HORMAD2: variants seen among roughly 807,000 people sequenced by gnomAD.
HORMAD2 encodes the protein HORMA domain-containing protein 2.
Under a neutral mutation model 38.8 loss-of-function variants are expected in HORMAD2, and 45 were observed. The observed-to-expected ratio is 1.16, with a 90% CI of 0.91 to 1.49. The LOEUF (loss-of-function observed/expected upper bound fraction) is 1.49, where lower values mean the gene tolerates loss of function less well. Ranked by LOEUF, HORMAD2 falls within the 40% of genes most tolerant of loss-of-function variation. The pLI is 0.00. For missense variants in HORMAD2, 338 were observed against 367.0 expected (o/e 0.92, Z 0.65); for synonymous variants, 126 against 122.8 (o/e 1.03, Z -0.17).
rs1190160835 is a variant in HORMAD2 at position 30,121,720 on chromosome 22, C to G, written c.499C>G (p.Leu167Val). 6.2e-7 allele frequency: 1 copy of G among 1,611,584 alleles called. No homozygotes were observed. Among genetic ancestry groups the G allele is most frequent in the African/African-American group, 1.3e-5 (1 of 74,862 alleles). Residue 167 changes from leucine to valine, a missense_variant, in exon 9 of 11, where the codon CTG becomes GTG. Leu to Val is a conservative substitution (Grantham distance 32, BLOSUM62 1). Transcript: ENST00000336726. ...SVLLIRKLYILMQDLEPLPNN... is the reference protein window; with the variant it reads ...SVLLIRKLYIVMQDLEPLPNN... ...TCTACTGATCCGTAAATTGTATATA[C>G]TGATGCAGGACCTTGAGCCACTTCC...
the HORMAD2 span, among the ~76,000 whole-genome samples, chr22:30,185,158 T>C: frequency 7.9e-5 from 12 of 152,166 alleles, no homozygotes; most frequent in Non-Finnish European, 1.6e-4. Context: ...TGGGATAGTT[T>C]GGAGGAGGAA....
At chr22:30,162,686 T>C (rs570690282) in intron 10 of HORMAD2, among the ~76,000 whole-genome samples, 9 of 151,662 alleles carry the variant, frequency 5.9e-5, no homozygotes, top group African/African-American at 2.2e-4. Context: ...ATGCAAACAT[T>C]TGATTTGTGG....
intron 10 of HORMAD2, among the ~76,000 whole-genome samples, chr22:30,132,950 A>G (rs889121913): frequency 2.0e-5 from 3 of 152,234 alleles, no homozygotes; most frequent in Admixed American, 1.3e-4. Flanking sequence ...GTTACAATTA[A>G]TAAGCCCTAG....
chr22:30,107,415 C>A (rs1921281700), intron 5 of HORMAD2, among the ~76,000 whole-genome samples: 1 of 152,088 alleles, frequency 6.6e-6, no homozygotes, highest in South Asian at 2.1e-4. Context: ...TCTTTTATAA[C>A]TTTCCTCAGG....
rs539671552 is a variant in HORMAD2 at position 30,088,712 on chromosome 22, TTTA to T, written c.-37-5200_-37-5198del. On this transcript the variant is annotated intron_variant, in intron 1 of 10. Transcript: ENST00000336726. ...TTAATTTAAAAATTAAAAAGTAAGT[TTTA>T]TTAAGTTTTATTAGTTTTATTAATA... 3.2e-3 allele frequency among the ~76,000 whole-genome samples: 484 copies of T among 151,382 alleles called. 4 individuals carry two copies. Among genetic ancestry groups the T allele is most frequent in the African/African-American group, 0.011 (468 of 41,422 alleles).
intron 10 of HORMAD2, among the ~76,000 whole-genome samples, chr22:30,136,499 T>C (rs1273499902): frequency 2.6e-5 from 4 of 152,336 alleles, no homozygotes; most frequent in Middle Eastern, 3.4e-3. Flanking sequence ...TAATCATTAA[T>C]CTATTTTCTG....
intron 2 of HORMAD2, among the ~76,000 whole-genome samples, chr22:30,095,322 T>A (rs1245363988): frequency 1.3e-5 from 2 of 152,196 alleles, no homozygotes; most frequent in Non-Finnish European, 2.9e-5. Context: ...AATGAAAATA[T>A]CTTCAAAATT....
intron 10 of HORMAD2, among the ~76,000 whole-genome samples, chr22:30,160,251 T>C (rs1170807549): frequency 1.3e-5 from 2 of 151,740 alleles, no homozygotes; most frequent in Non-Finnish European, 2.9e-5. Flanking sequence ...CCCTCCTCTT[T>C]TACCTTTCCA....
chr22:30,089,779 A>T (rs922921058), intron 1 of HORMAD2, among the ~76,000 whole-genome samples: 1 of 152,230 alleles, frequency 6.6e-6, no homozygotes, highest in African/African-American at 2.4e-5. Context: ...CAACTCAGTG[A>T]CACTAAGCAC....
chr22:30,085,182 A>G (rs1278065197), intron 1 of HORMAD2, among the ~76,000 whole-genome samples: 1 of 151,886 alleles, frequency 6.6e-6, no homozygotes, highest in African/African-American at 2.4e-5. Flanking sequence ...GACACAAAAG[A>G]TCACATATTG....
At position 30,163,509 on chromosome 22, in the gene HORMAD2, C is replaced by T. The variant is rs1042271534; in HGVS notation, c.820-12554C>T. On this transcript the variant is annotated intron_variant, in intron 10 of 10. Coordinates refer to ENST00000336726, the MANE Select transcript of HORMAD2 (RefSeq NM_152510.4). ...GCACAATCTTGGCTCACCTCAACCT[C>T]TGCCTCCTGGGCACAAGCAATCTTC... 5.9e-5 allele frequency among the ~76,000 whole-genome samples: 9 copies of T among 152,320 alleles called. No individual in the cohort carries two copies. In the South Asian group the frequency reaches 1.9e-3, roughly 32 times the overall value.
intron 8 of HORMAD2, among the ~76,000 whole-genome samples, chr22:30,120,022 T>C (rs1922322140): frequency 6.6e-6 from 1 of 152,208 alleles, no homozygotes; most frequent in Admixed American, 6.5e-5. Flanking sequence ...TTCATACACG[T>C]TTTCTCACAT....
chr22:30,205,390 A>G, the HORMAD2 span, among the ~76,000 whole-genome samples: 1 of 152,138 alleles, frequency 6.6e-6, no homozygotes, highest in Non-Finnish European at 1.5e-5. Flanking sequence ...ACACCCTGGG[A>G]CCGGAAACTG....
intron 1 of HORMAD2, among the ~76,000 whole-genome samples, chr22:30,092,337 A>G (rs1029892776): frequency 2.4e-5 from 3 of 123,470 alleles, no homozygotes; most frequent in Non-Finnish European, 5.0e-5. Flanking sequence ...GTCTATTCAG[A>G]TCCTTTGCTT....
chr22:30,173,842 G>A (rs774389179), intron 10 of HORMAD2, among the ~76,000 whole-genome samples: 14 of 152,174 alleles, frequency 9.2e-5, no homozygotes, highest in Non-Finnish European at 1.9e-4. Flanking sequence ...CATTTTTAAA[G>A]GGAGCGAATA....
At chr22:30,172,881 C>T (rs142206988) in intron 10 of HORMAD2, among the ~76,000 whole-genome samples, 28 of 150,978 alleles carry the variant, frequency 1.9e-4, no homozygotes, top group Non-Finnish European at 3.5e-4. Context: ...GAATGAGACT[C>T]CGTTTCAAAA....
At chr22:30,203,215 C>T in the HORMAD2 span, among the ~76,000 whole-genome samples, 11 of 146,346 alleles carry the variant, frequency 7.5e-5, no homozygotes, top group Non-Finnish European at 1.5e-4. Context: ...GCCTATATGG[C>T]GAAACCCTGT....
chr22:30,193,475 G>A, the HORMAD2 span, among the ~76,000 whole-genome samples: 1 of 152,136 alleles, frequency 6.6e-6, no homozygotes, highest in Non-Finnish European at 1.5e-5. Flanking sequence ...GGGTCTGGAG[G>A]GGCACAAATA....
chr22:30,118,072 T>G (rs1005499707), intron 7 of HORMAD2, among the ~76,000 whole-genome samples: 1 of 152,156 alleles, frequency 6.6e-6, no homozygotes, highest in Non-Finnish European at 1.5e-5. Context: ...TTTCTTCCCC[T>G]CTGCACTTTT....
Sources: gnomAD v4.1 joint callset for allele counts (sites outside exome capture counted in the v4.1 genomes callset) on GRCh38, gnomAD v4.1.1 for gene constraint, MANE v1.5 for transcripts, NCBI Gene and HGNC (gene_info 2026-07-23, HGNC 2026-07-21) for gene names.